HECW2: variants seen among roughly 807,000 people sequenced by gnomAD.
HECW2 encodes the protein HECT, C2 and WW domain containing E3 ubiquitin protein ligase 2.
A neutral mutation model predicts 175.2 loss-of-function variants in HECW2; 61 were observed. The observed-to-expected ratio is 0.35, with a 90% CI of 0.28 to 0.43. The LOEUF (loss-of-function observed/expected upper bound fraction) is 0.43, where lower values mean the gene tolerates loss of function less well. HECW2 is among the 20% of genes least tolerant of loss of function. The pLI is 1.00. For missense variants in HECW2, 1,524 were observed against 2,000.5 expected (o/e 0.76, Z 4.54); for synonymous variants, 671 against 731.0 (o/e 0.92, Z 1.32).
intron 1 of HECW2, among the ~76,000 whole-genome samples, chr2:196,513,952 G>C (rs1312879478): frequency 1.3e-5 from 2 of 152,228 alleles, no homozygotes; most frequent in East Asian, 3.9e-4. Context: ...TGGTGGCAGT[G>C]GGGGAGGCGC....
At chr2:196,541,694 G>A (rs1487503081) in intron 1 of HECW2, among the ~76,000 whole-genome samples, 2 of 151,710 alleles carry the variant, frequency 1.3e-5, no homozygotes, top group Middle Eastern at 3.4e-3. Context: ...GCTTTAACTG[G>A]TTACATTTAA....
intron 1 of HECW2, among the ~76,000 whole-genome samples, chr2:196,470,873 A>G (rs1559130452): frequency 6.6e-6 from 1 of 152,088 alleles, no homozygotes; most frequent in Non-Finnish European, 1.5e-5. Context: ...TATAGAATGT[A>G]TAAAACTCAG....
chr2:196,220,985 T>G, intron 24 of HECW2, 44 bp from the exon 25 acceptor site: 1 of 1,596,222 alleles, frequency 6.3e-7, no homozygotes, highest in Non-Finnish European at 8.6e-7. Flanking sequence ...GCAATACTCT[T>G]AATGTTATAA....
At chr2:196,560,445 C>A (rs527723033) in intron 1 of HECW2, among the ~76,000 whole-genome samples, 1 of 152,144 alleles carries the variant, frequency 6.6e-6, no homozygotes, top group African/African-American at 2.4e-5. Flanking sequence ...CTGTGCCCAG[C>A]CTTAACCACT....
intron 14 of HECW2, 75 bp downstream of exon 14, chr2:196,292,490 G>T (rs1467802340): frequency 3.1e-6 from 4 of 1,272,540 alleles, no homozygotes; most frequent in Non-Finnish European, 2.2e-6. Context: ...CTCACTTGAA[G>T]GGTAGGGCCA....
chr2:196,453,349 T>C (rs575894677), intron 1 of HECW2, among the ~76,000 whole-genome samples: 8 of 152,304 alleles, frequency 5.3e-5, no homozygotes, highest in Admixed American at 1.3e-4. Flanking sequence ...ACATTAGTTT[T>C]AAGCATGTGA....
At chr2:196,286,977 T>G (rs76346044) in intron 14 of HECW2, among the ~76,000 whole-genome samples, 1,803 of 152,330 alleles carry the variant, frequency 0.012, 11 homozygotes, top group Middle Eastern at 0.02. Flanking sequence ...TCATGCAAGA[T>G]TGAAACCAGG....
chr2:196,228,036 G>T (rs1687916635), intron 22 of HECW2, 66 bp downstream of exon 22: 5 of 1,372,990 alleles, frequency 3.6e-6, no homozygotes, highest in African/African-American at 3.0e-5. Flanking sequence ...TTAAATGTGG[G>T]TTCTATAAAA....
intron 1 of HECW2, among the ~76,000 whole-genome samples, chr2:196,543,684 C>T (rs1307918515): frequency 6.6e-6 from 1 of 152,100 alleles, no homozygotes; most frequent in Middle Eastern, 3.2e-3. Context: ...GCAATCTTGG[C>T]TCACTGCAAC....
At chr2:196,415,532 G>A (rs757342175) in intron 2 of HECW2, among the ~76,000 whole-genome samples, 1 of 129,766 alleles carries the variant, frequency 7.7e-6, no homozygotes, top group Non-Finnish European at 1.7e-5. Flanking sequence ...AGTGTTTGCT[G>A]CTTCCTGTGG....
intron 19 of HECW2, among the ~76,000 whole-genome samples, chr2:196,251,827 C>T (rs1041675273): frequency 6.6e-6 from 1 of 152,136 alleles, no homozygotes; most frequent in African/African-American, 2.4e-5. Flanking sequence ...TCCCAATTGC[C>T]ACCAGACTGA....
intron 2 of HECW2, chr2:196,361,707 GAGCTT>G: frequency 1.3e-6 from 1 of 744,444 alleles, no homozygotes; most frequent in Non-Finnish European, 1.6e-6. Flanking sequence ...CCACTTTTAA[GAGCTT>G]TTCAAAGTGA....
chr2:196,277,377 C>A (rs1224116250), intron 15 of HECW2, among the ~76,000 whole-genome samples: 1 of 152,152 alleles, frequency 6.6e-6, no homozygotes, highest in East Asian at 1.9e-4. Context: ...AATCCCATAT[C>A]CCTGGATGGA....
rs1559425326 is a variant in HECW2 at position 196,196,184 on chromosome 2, T to C, written c.*5093A>G. On this transcript the variant is annotated 3_prime_UTR_variant, in exon 29 of 29. Transcript: ENST00000644978. ...AGTTACCACTCTGAATCTTGACAGT[T>C]GGTCAATAATTAGCATTATATTCTT... The C allele has an allele frequency of 6.6e-6, 1 of 152,234 alleles. No individual in the cohort carries two copies. The highest frequency in any genetic ancestry group is 2.4e-5 in the African/African-American group (1 of 41,448). The allele number at this position is 152,234 out of a possible 1,614,324, so 9.4% of individuals were successfully genotyped here. A position where few individuals can be genotyped will look rare whatever the true frequency, so the allele number is the denominator to read the frequency against.
intron 1 of HECW2, among the ~76,000 whole-genome samples, chr2:196,466,910 C>G (rs1696975949): frequency 6.6e-6 from 1 of 152,152 alleles, no homozygotes. Context: ...TTGTTGACTC[C>G]TCGATTTTCT....
At chr2:196,227,318 AG>A (rs66534749) in intron 22 of HECW2, among the ~76,000 whole-genome samples, 122,454 of 152,096 alleles carry the variant, frequency 0.81, 51,303 homozygotes, top group Non-Finnish European at 0.92. Flanking sequence ...ACAAGCAAAC[AG>A]GGGTTATACA....
At chr2:196,207,059 G>A (rs1002602290) in intron 28 of HECW2, among the ~76,000 whole-genome samples, 15 of 152,212 alleles carry the variant, frequency 9.9e-5, no homozygotes, top group African/African-American at 3.6e-4. Flanking sequence ...CAGGAAACCT[G>A]AGAGGGGCAA....
intron 1 of HECW2, among the ~76,000 whole-genome samples, chr2:196,520,540 C>T (rs757708899): frequency 9.9e-5 from 15 of 152,122 alleles, no homozygotes; most frequent in Admixed American, 6.5e-5. Flanking sequence ...TTTTTACATT[C>T]TTGCTAATAA....
chr2:196,200,380 A>C lies in HECW2; in HGVS notation c.*897T>G, dbSNP rs1686816231. Reference sequence around the variant, plus strand: ...CTTTTGTTTCCTTGAGAGTGCTTAAAAGGATACATATTAGCATGATGCCCG... The same window carrying C: ...CTTTTGTTTCCTTGAGAGTGCTTAACAGGATACATATTAGCATGATGCCCG... On this transcript the variant is annotated 3_prime_UTR_variant, in exon 29 of 29. Transcript: ENST00000644978. The C allele has an allele frequency of 6.6e-6, 1 of 152,602 alleles. No homozygotes were observed. Among genetic ancestry groups the C allele is most frequent in the Non-Finnish European group, 1.5e-5 (1 of 68,014 alleles). The allele number at this position is 152,602 out of a possible 1,614,324, so 9.5% of individuals were successfully genotyped here. A position where few individuals can be genotyped will look rare whatever the true frequency, so the allele number is the denominator to read the frequency against.
Sources: gnomAD v4.1 joint callset for allele counts (sites outside exome capture counted in the v4.1 genomes callset) on GRCh38, gnomAD v4.1.1 for gene constraint, MANE v1.5 for transcripts, NCBI Gene and HGNC (gene_info 2026-07-23, HGNC 2026-07-21) for gene names.